FARP2: variants seen among roughly 807,000 people sequenced by gnomAD.
FARP2 encodes FERM, ARH/RhoGEF and pleckstrin domain protein 2.
Under a neutral mutation model 130.5 loss-of-function variants are expected in FARP2, and 111 were observed. The observed-to-expected ratio is 0.85, with a 90% confidence interval of 0.73 to 1.00. The LOEUF (loss-of-function observed/expected upper bound fraction) is 1.00. Ranked by LOEUF, FARP2 falls within the 50% of genes least tolerant of loss-of-function variation. The probability of loss-of-function intolerance (pLI) is 0.00; values close to 1 mark genes in which losing one functional copy is unlikely to be tolerated. For synonymous variants in FARP2, 504 were observed against 516.9 expected (o/e 0.98, Z 0.34); for missense variants, 1,385 against 1,346.3 (o/e 1.03, Z -0.45).
intron 8 of FARP2, among the ~76,000 whole-genome samples, chr2:241,424,017 T>G (rs1213921196): frequency 1.3e-5 from 2 of 152,184 alleles, no homozygotes; most frequent in African/African-American, 4.8e-5. Flanking sequence ...TAGGAGACTT[T>G]AACACCCCAC....
At position 241,456,841 on chromosome 2, in the gene FARP2, A is replaced by G; in HGVS notation, c.1506A>G (p.Glu502=). 3 of 1,613,966 alleles carry G rather than the reference A, an allele frequency of 1.9e-6. No individual in the cohort carries two copies. Among genetic ancestry groups the G allele is most frequent in the Non-Finnish European group, 2.5e-6 (3 of 1,179,942 alleles). The change falls in exon 14 of 27, where the codon GAA becomes GAG. Residue 502 remains glutamate, a synonymous_variant. Transcript: ENST00000264042. ...TTCAGGTGCCTTTGGGCCCAGCTGA[A>G]CAGGGCTCATCCCCACTCCTGAGCC... is the stretch of plus-strand genomic sequence containing the variant. ...PAFQVPLGPA[E]QGSSPLLSPV...
Position 241,491,103 on chromosome 2 carries a change from C to G in FARP2, c.2547C>G (p.Ser849=), listed in dbSNP as rs144335206. 1.2e-6 allele frequency: 2 copies of G among 1,613,508 alleles called. No individual in the cohort carries two copies. Among genetic ancestry groups the G allele is most frequent in the South Asian group, 2.2e-5 (2 of 91,086 alleles). ...EKEKWMLDLN[S]AIQAAKSGGD... is the part of the protein sequence containing the mutation. The stretch of plus-strand genomic sequence containing the variant: ...AGAAGTGGATGCTGGACCTGAACTC[C>G]GCGATCCAAGCAGCCAAGAGTGGCG... The change falls in exon 23 of 27, where the codon TCC becomes TCG. Residue 849 remains serine (S), a synonymous_variant. Coordinates refer to ENST00000264042, the MANE Select transcript of FARP2 (RefSeq NM_014808.4).
intron 1 of FARP2, among the ~76,000 whole-genome samples, chr2:241,369,539 T>G (rs1164944249): frequency 1.4e-5 from 2 of 147,994 alleles, no homozygotes; most frequent in African/African-American, 4.9e-5. Context: ...TCTTGTCTAT[T>G]TTTTTTTTTT....
Position 241,443,694 on chromosome 2 carries a change from C to G in FARP2, c.1411+2138C>G, listed in dbSNP as rs2063447558. 4 of 152,276 alleles carry G rather than the reference C, an allele frequency of 2.6e-5. No individual in the cohort carries two copies. In the South Asian group the frequency reaches 8.3e-4, roughly 32 times the overall value. The allele number at this position is 152,276 out of a possible 1,614,324, so 9.4% of individuals were successfully genotyped here. A position where few individuals can be genotyped will look rare whatever the true frequency, so the allele number is the denominator to read the frequency against. On this transcript the variant is annotated intron_variant, in intron 13 of 26. Coordinates refer to ENST00000264042, the MANE Select transcript of FARP2 (RefSeq NM_014808.4). ...GAAACCACTGCCATGCAGCTCAGCACCCACAAGTGCCGGTCTCAGGCCAGC... is the reference window on the plus strand; with the variant it reads ...GAAACCACTGCCATGCAGCTCAGCAGCCACAAGTGCCGGTCTCAGGCCAGC...
At chr2:241,421,267 A>G (rs1377209999) in intron 8 of FARP2, among the ~76,000 whole-genome samples, 1 of 152,228 alleles carries the variant, frequency 6.6e-6, no homozygotes, top group African/African-American at 2.4e-5. Flanking sequence ...ACTGAGGCAC[A>G]CACAGAGACC....
intron 17 of FARP2, among the ~76,000 whole-genome samples, chr2:241,467,331 A>G (rs1262567674): frequency 6.6e-6 from 1 of 151,838 alleles, no homozygotes; most frequent in African/African-American, 2.4e-5. Flanking sequence ...ATCCACATAC[A>G]TGTATACATG....
At chr2:241,384,933 A>G (rs1377416620) in intron 2 of FARP2, among the ~76,000 whole-genome samples, 2 of 152,218 alleles carry the variant, frequency 1.3e-5, no homozygotes, top group African/African-American at 4.8e-5. Flanking sequence ...TCAATTGTAA[A>G]TTTCTTAAAA....
intron 8 of FARP2, among the ~76,000 whole-genome samples, chr2:241,419,001 A>G (rs10469795): frequency 0.19 from 28,892 of 152,056 alleles, 3,083 homozygotes; most frequent in Middle Eastern, 0.35. Context: ...AATTGTCACT[A>G]TTGCAGTCTG....
Position 241,411,027 on chromosome 2 carries a change from T to A in FARP2, c.411-6T>A. 1 of 1,589,818 alleles carries A rather than the reference T, an allele frequency of 6.3e-7. No homozygotes were observed. Among genetic ancestry groups the A allele is most frequent in the Non-Finnish European group, 8.6e-7 (1 of 1,160,944 alleles). On this transcript the variant is annotated splice_region_variant and splice_polypyrimidine_tract_variant and intron_variant, in intron 5 of 26. Coordinates refer to ENST00000264042, the MANE Select transcript of FARP2 (RefSeq NM_014808.4). ...GATCTCTGTCTTATTTTGAACTCTC[T>A]TCTAGATACTTGTTTGCCTTGCAAC...
At chr2:241,387,716 C>T (rs1240632018) in intron 2 of FARP2, among the ~76,000 whole-genome samples, 2 of 151,290 alleles carry the variant, frequency 1.3e-5, no homozygotes, top group Non-Finnish European at 2.9e-5. Context: ...TGGCGTGAAC[C>T]CGGGAGGCGG....
intron 17 of FARP2, chr2:241,466,636 C>T: frequency 2.0e-6 from 2 of 984,330 alleles, no homozygotes; most frequent in Non-Finnish European, 2.4e-6. Context: ...TGGCCCTCAC[C>T]ACCCCTCACC....
At chr2:241,410,226 A>G (rs1390300023) in intron 5 of FARP2, among the ~76,000 whole-genome samples, 1 of 152,214 alleles carries the variant, frequency 6.6e-6, no homozygotes, top group Non-Finnish European at 1.5e-5. Context: ...CCAAGACCAG[A>G]TATTATCAAT....
At chr2:241,417,771 A>G (rs1264823904) in intron 7 of FARP2, among the ~76,000 whole-genome samples, 191 bp from the exon 8 acceptor site, 1 of 152,242 alleles carries the variant, frequency 6.6e-6, no homozygotes, top group Non-Finnish European at 1.5e-5. Flanking sequence ...AATAGAAGAA[A>G]ACTGAGGATG....
chr2:241,456,049 A>AT (rs959271514), intron 13 of FARP2, among the ~76,000 whole-genome samples: 7 of 151,864 alleles, frequency 4.6e-5, no homozygotes, highest in East Asian at 1.9e-4. Context: ...ATAGAAAAGG[A>AT]TTTTTTTATT....
chr2:241,419,459 A>T (rs1338771058), intron 8 of FARP2, among the ~76,000 whole-genome samples: 1 of 152,262 alleles, frequency 6.6e-6, no homozygotes, highest in African/African-American at 2.4e-5. Context: ...CAGTTTGAAG[A>T]TAGCAGACTG....
chr2:241,384,019 G>T (rs527751677), intron 2 of FARP2, among the ~76,000 whole-genome samples: 5 of 151,624 alleles, frequency 3.3e-5, no homozygotes, highest in Admixed American at 3.3e-4. Flanking sequence ...TTGCCCTTCT[G>T]TGAAGCCACC....
chr2:241,458,639 G>A (rs2150462138), intron 14 of FARP2, among the ~76,000 whole-genome samples: 3 of 151,968 alleles, frequency 2.0e-5, no homozygotes, highest in African/African-American at 7.2e-5. Context: ...TTTTATTTTG[G>A]AAACCTAATG....
chr2:241,447,783 G>A (rs1166851860), intron 13 of FARP2, among the ~76,000 whole-genome samples: 2 of 152,166 alleles, frequency 1.3e-5, no homozygotes, highest in South Asian at 2.1e-4. Context: ...ACACGCCTGC[G>A]GGGGTGGGGG....
chr2:241,378,570 G>A (rs1033596073), intron 2 of FARP2, among the ~76,000 whole-genome samples: 2 of 151,912 alleles, frequency 1.3e-5, no homozygotes, highest in Non-Finnish European at 2.9e-5. Flanking sequence ...GTACCACCAT[G>A]CTGGCTAATT....
Sources: allele counts gnomAD v4.1 joint callset (sites outside exome capture counted in the v4.1 genomes callset), GRCh38; gene constraint gnomAD v4.1.1; transcripts MANE v1.5; gene names NCBI Gene and HGNC (gene_info 2026-07-23, HGNC 2026-07-21).